The following CCDC88C variants were observed in gnomAD, a reference collection of about 807,000 sequenced individuals.
The protein encoded by CCDC88C is protein Daple.
A neutral mutation model predicts 198.8 loss-of-function variants in CCDC88C; 131 were observed. The ratio of observed to expected loss-of-function variants is 0.66; its 90% confidence interval spans 0.57 to 0.76. CCDC88C has a LOEUF of 0.76. Among genes scored for constraint, CCDC88C ranks in the 30% least tolerant of loss-of-function variants. The probability of loss-of-function intolerance (pLI) is 0.00; values close to 1 mark genes in which losing one functional copy is unlikely to be tolerated. For missense variants in CCDC88C, 2,553 were observed against 2,631.6 expected, an observed-to-expected ratio of 0.97 and a Z score of 0.65; for synonymous variants, 1,166 against 1,114.7, an observed-to-expected ratio of 1.05 and a Z score of -0.92.
At position 91,339,936 on chromosome 14, in the gene CCDC88C, C is replaced by T. The variant is rs1379010305; in HGVS notation, c.572G>A (p.Ser191Asn). The change falls in exon 7 of 30, where the codon AGC becomes AAC. Residue 191 changes from serine (S) to asparagine (N), a missense_variant. Ser to Asn is a conservative substitution (Grantham distance 46, BLOSUM62 1). This residue lies in a region of CCDC88C where 1,260 missense variants were observed against 1,412.0 expected (regional missense o/e 0.89). Coordinates refer to ENST00000389857, the MANE Select transcript of CCDC88C (RefSeq NM_001080414.4). This position sits in a 1 kb window ranked among gnomAD's most constrained non-coding sequence, Gnocchi z 5.8. ...APEELEALSR[S>N]MVLHLRRLID... ...GAGCCTCCGCAGGTGGAGCACCATG[C>T]TCCTCGACAGGGCCTCCAGCTCCTC... 1 of 1,597,040 alleles carries T rather than the reference C, an allele frequency of 6.3e-7. No individual in the cohort carries two copies. The highest frequency in any genetic ancestry group is 1.1e-5 in the South Asian group (1 of 87,692).
At chr14:91,331,175 G>C (rs944898947) in intron 10 of CCDC88C, among the ~76,000 whole-genome samples, 1 of 152,142 alleles carries the variant, frequency 6.6e-6, no homozygotes, top group African/African-American at 2.4e-5. Flanking sequence ...GCCCACAGCT[G>C]ACACTGCTTT....
intron 4 of CCDC88C, among the ~76,000 whole-genome samples, chr14:91,353,556 G>T (rs998945505): frequency 6.6e-6 from 1 of 152,232 alleles, no homozygotes; most frequent in African/African-American, 2.4e-5. Flanking sequence ...CAGCTAAGAT[G>T]AGGAAGGATG....
chr14:91,389,888 C>A lies in CCDC88C; in HGVS notation c.270+18771G>T, dbSNP rs1305361604. ...GAGATGGAGACCATCCTGGCTAACA[C>A]GGTGAAACCCCATCTCTACTAAAAA... is the stretch of plus-strand genomic sequence containing the variant. On this transcript the variant is annotated intron_variant, in intron 3 of 29. Coordinates refer to ENST00000389857, the MANE Select transcript of CCDC88C (RefSeq NM_001080414.4). Among the ~76,000 whole-genome samples, 14 of 151,642 alleles carry A rather than the reference C, an allele frequency of 9.2e-5. No individual in the cohort carries two copies. The East Asian group carries it at 2.7e-3, about 30-fold the overall frequency.
At chr14:91,380,255 A>T (rs1361029648) in intron 3 of CCDC88C, among the ~76,000 whole-genome samples, 1 of 152,256 alleles carries the variant, frequency 6.6e-6, no homozygotes, top group East Asian at 1.9e-4. Context: ...GCGGCTGGAC[A>T]TACTGCAGCT....
chr14:91,383,563 C>CT (rs1236588339), intron 3 of CCDC88C, among the ~76,000 whole-genome samples: 1 of 152,210 alleles, frequency 6.6e-6, no homozygotes, highest in Non-Finnish European at 1.5e-5. Context: ...ATTAAACTGT[C>CT]TCATCCTTGC....
intron 4 of CCDC88C, among the ~76,000 whole-genome samples, chr14:91,357,687 A>G (rs201665150): frequency 2.0e-5 from 3 of 152,372 alleles, no homozygotes; most frequent in East Asian, 3.9e-4. Flanking sequence ...CCAGCCCCAA[A>G]TAAACTAGGA....
chr14:91,293,568 G>GCTCACCTTCCCATC (rs1890854528), intron 23 of CCDC88C, among the ~76,000 whole-genome samples: 1 of 92,948 alleles, frequency 1.1e-5, no homozygotes, highest in Admixed American at 1.1e-4. Flanking sequence ...GCCTGCCACG[G>GCTCACCTTCCCATC]CCCACCTTCC....
rs898791545 is a variant in CCDC88C, at chr14:91,339,723, C to A, written c.624+161G>T. On this transcript the variant is annotated intron_variant, in intron 7 of 29. Transcript: ENST00000389857. The surrounding 1 kb of genome is among the most constrained non-coding windows in gnomAD (Gnocchi z 5.8). ...TATCCTCCCACAGGCCCGAGGTGAC[C>A]ATGCACTGCAGGGGCCGTAACCAGG... is the stretch of plus-strand genomic sequence containing the variant. 5.9e-5 allele frequency among the ~76,000 whole-genome samples: 9 copies of A among 152,192 alleles called. No individual in the cohort carries two copies. The highest frequency in any genetic ancestry group is 2.2e-4 in the African/African-American group (9 of 41,448).
In CCDC88C at chr14:91,300,935, A is replaced by G. The variant is rs115800628; in HGVS notation, c.3636-865T>C. 5.4e-3 allele frequency among the ~76,000 whole-genome samples: 826 copies of G among 152,290 alleles called. 6 individuals carry two copies. Among genetic ancestry groups the G allele is most frequent in the African/African-American group, 0.019 (793 of 41,544 alleles). On this transcript the variant is annotated intron_variant, in intron 20 of 29. Coordinates refer to ENST00000389857, the MANE Select transcript of CCDC88C (RefSeq NM_001080414.4). ...CCCATTCAGGCAAATTCTTCTCTAC[A>G]GACCCCTTCCTGAGTGTCTCACACC...
intron 3 of CCDC88C, among the ~76,000 whole-genome samples, chr14:91,400,291 T>C (rs1286143502): frequency 6.6e-6 from 1 of 152,236 alleles, no homozygotes; most frequent in Non-Finnish European, 1.5e-5. Flanking sequence ...TCTTCTATTA[T>C]ACAAGCTCTA....
chr14:91,318,004 C>T (rs928018107), intron 13 of CCDC88C, among the ~76,000 whole-genome samples: 4 of 152,240 alleles, frequency 2.6e-5, no homozygotes, highest in Admixed American at 1.3e-4. Context: ...GGGGCAGCGT[C>T]GTGAGGACCT....
At position 91,278,889 on chromosome 14, in the gene CCDC88C, CTTTTTTTTTTTTT is replaced by C. The variant is rs10671669; in HGVS notation, c.4768+336_4768+348del. On this transcript the variant is annotated intron_variant, in intron 28 of 29. Coordinates refer to ENST00000389857, the MANE Select transcript of CCDC88C (RefSeq NM_001080414.4). ...CCCCAGAGCCAAACCACCAAATACA[CTTTTTTTTTTTTT>C]TTTTTTTTTTTTTTCTGAGATAGGG... Among the ~76,000 whole-genome samples the C allele has an allele frequency of 5.7e-3, 309 of 54,510 alleles. 1 individual carries two copies. The highest frequency in any genetic ancestry group is 0.022 in the African/African-American group (288 of 13,076). 35.8% of individuals were successfully genotyped at this position (54,510 alleles called of 152,430 possible). A position where few individuals can be genotyped will look rare whatever the true frequency, so the allele number is the denominator to read the frequency against.
At chr14:91,331,550 GGAGA>G (rs59462940) in intron 10 of CCDC88C, among the ~76,000 whole-genome samples, 41,180 of 151,960 alleles carry the variant, frequency 0.27, 6,144 homozygotes, top group East Asian at 0.4. Context: ...GCGAGAGAGA[GGAGA>G]GAGAAAGACA....
chr14:91,410,443 AG>A (rs1245025673), intron 2 of CCDC88C, among the ~76,000 whole-genome samples: 5 of 152,182 alleles, frequency 3.3e-5, no homozygotes, highest in African/African-American at 1.2e-4. Flanking sequence ...AAATTGACAA[AG>A]GAAAAAAAAA....
rs1894786911 is a variant in CCDC88C, at chr14:91,371,276, A to AT, written c.271-11566dup. ...TTTTAAGCTTCTTGGCAAAGTCAGT[A>AT]TTTTTGCTGATGGATGGAAAAGTCA... On this transcript the variant is annotated intron_variant, in intron 3 of 29. Coordinates refer to ENST00000389857, the MANE Select transcript of CCDC88C (RefSeq NM_001080414.4). The surrounding 1 kb of genome is among the most constrained non-coding windows in gnomAD (Gnocchi z 4.2). Among the ~76,000 whole-genome samples, 1 of 151,732 alleles carries AT rather than the reference A, an allele frequency of 6.6e-6. No individual in the cohort carries two copies. The highest frequency in any genetic ancestry group is 1.5e-5 in the Non-Finnish European group (1 of 67,978).
At chr14:91,361,470 T>C (rs960447499) in intron 3 of CCDC88C, among the ~76,000 whole-genome samples, 29 of 152,170 alleles carry the variant, frequency 1.9e-4, no homozygotes, top group African/African-American at 7.0e-4. Context: ...GCAGAGAACA[T>C]AGAAGATGGT....
chr14:91,351,690 C>A (rs1019974421), intron 4 of CCDC88C, among the ~76,000 whole-genome samples: 1 of 152,042 alleles, frequency 6.6e-6, no homozygotes, highest in Non-Finnish European at 1.5e-5. Flanking sequence ...CTCTGGCAGG[C>A]GCTAAGCTGC....
At chr14:91,332,139 C>T (rs1025650493) in intron 10 of CCDC88C, among the ~76,000 whole-genome samples, 1 of 152,208 alleles carries the variant, frequency 6.6e-6, no homozygotes, top group African/African-American at 2.4e-5. Context: ...CCACTCCGCT[C>T]AGGATGCACA....
At position 91,416,879 on chromosome 14, in the gene CCDC88C, C is replaced by T. The variant is rs1421475704; in HGVS notation, c.61-41G>A. The T allele has an allele frequency of 2.1e-6, 3 of 1,430,820 alleles. No homozygotes were observed. The East Asian group carries it at 7.0e-5, about 33-fold the overall frequency. 88.6% of individuals were successfully genotyped at this position (1,430,820 alleles called of 1,614,324 possible). ...CGAGGAGAGAAAGACAGGAAGTCACCCCGTGCGCACAAACGGTCCAAAGCT... is the reference window on the plus strand; with the variant it reads ...CGAGGAGAGAAAGACAGGAAGTCACTCCGTGCGCACAAACGGTCCAAAGCT... On this transcript the variant is annotated intron_variant, in intron 1 of 29. Transcript: ENST00000389857.
Sources: allele counts gnomAD v4.1 joint callset (sites outside exome capture counted in the v4.1 genomes callset), GRCh38; gene constraint gnomAD v4.1.1; regional missense constraint gnomAD v4.1.1; non-coding constraint Gnocchi (gnomAD v3.1); transcripts MANE v1.5; gene names NCBI Gene and HGNC (gene_info 2026-07-23, HGNC 2026-07-21).